KIF11: variants seen among roughly 807,000 people sequenced by gnomAD.
KIF11 encodes the protein kinesin-like protein KIF11.
In KIF11, 9 loss-of-function variants were observed where a neutral mutation model predicts 121.0. The observed-to-expected ratio is 0.07, with a 90% confidence interval of 0.04 to 0.13. The LOEUF (loss-of-function observed/expected upper bound fraction) is 0.13. Ranked by LOEUF, KIF11 falls within the 10% of genes least tolerant of loss-of-function variation. KIF11 has a pLI of 1.00. For missense variants in KIF11, 846 were observed against 1,217.5 expected, an observed-to-expected ratio of 0.69 and a Z score of 4.54; for synonymous variants, 408 against 421.0, an observed-to-expected ratio of 0.97 and a Z score of 0.38.
intron 1 of KIF11, among the ~76,000 whole-genome samples, chr10:92,598,235 T>C (rs1844323362): frequency 6.6e-6 from 1 of 152,258 alleles, no homozygotes; most frequent in African/African-American, 2.4e-5. Flanking sequence ...CTTTAGGTCT[T>C]ACATACATTT....
At chr10:92,604,615 G>C (rs1404416218) in intron 1 of KIF11, among the ~76,000 whole-genome samples, 2 of 152,134 alleles carry the variant, frequency 1.3e-5, no homozygotes, top group Non-Finnish European at 2.9e-5. Flanking sequence ...CTGATCACTT[G>C]GAAGTATACT....
intron 1 of KIF11, among the ~76,000 whole-genome samples, chr10:92,605,066 C>T (rs1844413985): frequency 6.6e-6 from 1 of 151,660 alleles, no homozygotes; most frequent in Admixed American, 6.6e-5. Context: ...ATAAAGGGTG[C>T]TGTAGGAATA....
At chr10:92,620,331 C>T (rs1043797375) in intron 9 of KIF11, among the ~76,000 whole-genome samples, 2 of 152,070 alleles carry the variant, frequency 1.3e-5, no homozygotes, top group African/African-American at 4.8e-5. Context: ...CCGCCCGCCT[C>T]GGCCTCCCAA....
At chr10:92,636,945 A>G (rs1285338938) in intron 14 of KIF11, among the ~76,000 whole-genome samples, 2 of 150,522 alleles carry the variant, frequency 1.3e-5, no homozygotes, top group African/African-American at 4.9e-5. Context: ...AGGCAGGAGA[A>G]TCACTTGAAC....
chr10:92,621,791 C>T (rs1844620142), intron 10 of KIF11, among the ~76,000 whole-genome samples: 1 of 152,136 alleles, frequency 6.6e-6, no homozygotes, highest in Non-Finnish European at 1.5e-5. Flanking sequence ...TTTGTAGAGA[C>T]AGGGTTTCAC....
rs1845029179 is a variant in KIF11, at chr10:92,654,906, A to G, written c.*1110A>G. The stretch of plus-strand genomic sequence containing the variant: ...CCTGTGCCTTTTAGAGAAGCTCACA[A>G]TGATTTAAGGACTGTTTGAAACTTC... On this transcript the variant is annotated 3_prime_UTR_variant, in exon 22 of 22. Transcript: ENST00000260731. 6.6e-6 allele frequency: 1 copy of G among 152,544 alleles called. No individual in the cohort carries two copies. Among genetic ancestry groups the G allele is most frequent in the Non-Finnish European group, 1.5e-5 (1 of 68,022 alleles). The allele number at this position is 152,544 out of a possible 1,614,324, so 9.4% of individuals were successfully genotyped here.
At chr10:92,651,961 C>T (rs1449043760) in intron 21 of KIF11, among the ~76,000 whole-genome samples, 6 of 102,548 alleles carry the variant, frequency 5.9e-5, no homozygotes, top group Non-Finnish European at 7.5e-5. Context: ...ATGCTTGTAC[C>T]TTTTTTTTTT....
rs74809575 is a variant in KIF11 at position 92,611,904 on chromosome 10, A to T, written c.699-1136A>T. Among the ~76,000 whole-genome samples, 1,031 of 152,284 alleles carry T rather than the reference A, an allele frequency of 6.8e-3. 6 individuals carry two copies. The highest frequency in any genetic ancestry group is 0.011 in the Non-Finnish European group (719 of 68,028). ...ATAAGTCTCAAATAAATAAATAATT[A>T]AAAAAGATACTTAATTTTTTTTTTA... On this transcript the variant is annotated intron_variant, in intron 6 of 21. Coordinates refer to ENST00000260731, the MANE Select transcript of KIF11 (RefSeq NM_004523.4).
intron 4 of KIF11, 52 bp downstream of exon 4, chr10:92,607,289 T>A (rs1255689197): frequency 9.0e-7 from 1 of 1,116,268 alleles, no homozygotes; most frequent in Admixed American, 1.9e-5. Flanking sequence ...GAAATTTAAC[T>A]GTATAAAACT....
chr10:92,621,490 G>GCATTTTTTTGTAGA lies in KIF11; in HGVS notation c.1217+17_1217+18insCATTTTTTTGTAGA. On this transcript the variant is annotated intron_variant, in intron 10 of 21. Coordinates refer to ENST00000260731, the MANE Select transcript of KIF11 (RefSeq NM_004523.4). ...AAATTTTAGGTAAGCCCTTGGCTAT[G>GCATTTTTTTGTAGA]GAGTTAATTTCCAAGAATAAGCATT... 3 of 1,471,208 alleles carry GCATTTTTTTGTAGA rather than the reference G, an allele frequency of 2.0e-6. No homozygotes were observed. The highest frequency in any genetic ancestry group is 2.8e-6 in the Non-Finnish European group (3 of 1,055,218). The allele number at this position is 1,471,208 out of a possible 1,614,324, so 91.1% of individuals were successfully genotyped here.
At chr10:92,621,596 TTG>T (rs374159901) in intron 10 of KIF11, 123 bp downstream of exon 10, 875 of 591,914 alleles carry the variant, frequency 1.5e-3, no homozygotes, top group Middle Eastern at 2.5e-3. Context: ...ATACTTCATT[TTG>T]TGTGTGTGTG....
At position 92,650,652 on chromosome 10, in the gene KIF11, T is replaced by C. The variant is rs374247837; in HGVS notation, c.3039+135T>C. 3.3e-5 allele frequency: 20 copies of C among 608,170 alleles called. No individual in the cohort carries two copies. The African/African-American group carries it at 3.3e-4, about 10-fold the overall frequency. The allele number at this position is 608,170 out of a possible 1,614,324, so 37.7% of individuals were successfully genotyped here. A position where few individuals can be genotyped will look rare whatever the true frequency, so the allele number is the denominator to read the frequency against. On this transcript the variant is annotated intron_variant, in intron 21 of 21. Coordinates refer to ENST00000260731, the MANE Select transcript of KIF11 (RefSeq NM_004523.4). The stretch of plus-strand genomic sequence containing the variant: ...CCTTAGGATGGCTTGTTAACGCTTA[T>C]GATTTGAATTATTTACAAAAATCTG...
Position 92,599,081 on chromosome 10 carries a change from G to A in KIF11, c.77+5629G>A, listed in dbSNP as rs1019740218. Reference sequence around the variant, plus strand: ...GCGTGAGCCACTGCGCCTGGCCTCAGCAGTGTTTTATAGTTTTCATTTTAT... The same window carrying A: ...GCGTGAGCCACTGCGCCTGGCCTCAACAGTGTTTTATAGTTTTCATTTTAT... On this transcript the variant is annotated intron_variant, in intron 1 of 21. Transcript: ENST00000260731. Among the ~76,000 whole-genome samples the A allele has an allele frequency of 3.3e-5, 5 of 150,186 alleles. No individual in the cohort carries two copies. The Admixed American group carries it at 3.4e-4, about 10-fold the overall frequency.
rs116942055 is a variant in KIF11, at chr10:92,637,538, A to T, written c.2153A>T (p.His718Leu). ...GACCTGAAGACAATAAAGCAGACCCATTCCCAGGTATGTTGTTTAGCGGAC... is the reference window on the plus strand; with the variant it reads ...GACCTGAAGACAATAAAGCAGACCCTTTCCCAGGTATGTTGTTTAGCGGAC... ...TEDLKTIKQT[H>L]SQELCKLMNL... Residue 718 changes from histidine to leucine, a missense_variant, in exon 16 of 22, where the codon CAT (histidine) becomes CTT (leucine). Coordinates refer to ENST00000260731, the MANE Select transcript of KIF11 (RefSeq NM_004523.4). 8.2e-4 allele frequency: 1,318 copies of T among 1,599,684 alleles called. 27 individuals carry two copies. The East Asian group carries it at 0.024, about 29-fold the overall frequency.
intron 1 of KIF11, among the ~76,000 whole-genome samples, chr10:92,594,836 G>T (rs1844274573): frequency 6.6e-6 from 1 of 151,828 alleles, no homozygotes; most frequent in African/African-American, 2.4e-5. Flanking sequence ...TTCTTTGCTT[G>T]TGTCTAATAT....
chr10:92,599,118 C>T (rs1589586076), intron 1 of KIF11, among the ~76,000 whole-genome samples: 1 of 151,070 alleles, frequency 6.6e-6, no homozygotes, highest in Middle Eastern at 3.4e-3. Flanking sequence ...AGTCTTTCAC[C>T]TCCTTGGTTA....
intron 17 of KIF11, among the ~76,000 whole-genome samples, chr10:92,641,075 G>A (rs911870810): frequency 3.3e-5 from 5 of 152,130 alleles, no homozygotes; most frequent in Admixed American, 6.6e-5. Context: ...TTGCTTTGTA[G>A]CCTCATTGCT....
chr10:92,638,352 G>A (rs1844829499), intron 16 of KIF11, among the ~76,000 whole-genome samples: 1 of 152,104 alleles, frequency 6.6e-6, no homozygotes. Context: ...GCAGAAGGTG[G>A]TAGTGATCAT....
chr10:92,635,105 T>G (rs1404699668), intron 14 of KIF11, among the ~76,000 whole-genome samples: 1 of 152,230 alleles, frequency 6.6e-6, no homozygotes, highest in Admixed American at 6.5e-5. Context: ...ATAATTTATT[T>G]GTTTTCTTTG....
Sources: allele counts gnomAD v4.1 joint callset (sites outside exome capture counted in the v4.1 genomes callset), GRCh38; gene constraint gnomAD v4.1.1; transcripts MANE v1.5; gene names NCBI Gene and HGNC (gene_info 2026-07-23, HGNC 2026-07-21).